APP: variants seen among roughly 807,000 people sequenced by gnomAD.
APP encodes amyloid beta precursor protein, also known as amyloid-beta precursor protein.
Under a neutral mutation model 101.4 loss-of-function variants are expected in APP, and 31 were observed. The ratio of observed to expected loss-of-function variants is 0.31; its 90% CI spans 0.23 to 0.41. The LOEUF is 0.41. Ranked by LOEUF, APP falls within the 10% of genes least tolerant of loss-of-function variation. The pLI is 1.00. For missense variants in APP, 839 were observed against 1,003.7 expected, an observed-to-expected ratio of 0.84 and a Z score of 2.22; for synonymous variants, 366 against 364.4, an observed-to-expected ratio of 1.00 and a Z score of -0.05.
intron 1 of APP, among the ~76,000 whole-genome samples, chr21:26,118,524 C>T (rs1601508276): frequency 6.6e-6 from 1 of 152,108 alleles, no homozygotes; most frequent in East Asian, 1.9e-4. Context: ...CTCTTTCATT[C>T]TGTCTTTACA....
At chr21:26,064,505 C>G (rs930669629) in intron 3 of APP, among the ~76,000 whole-genome samples, 1 of 152,124 alleles carries the variant, frequency 6.6e-6, no homozygotes, top group South Asian at 2.1e-4. Flanking sequence ...GTGGATGGCA[C>G]CAGGTTCAAG....
intron 5 of APP, among the ~76,000 whole-genome samples, chr21:26,042,739 C>CAA (rs35238316): frequency 1.3e-4 from 19 of 151,374 alleles, no homozygotes; most frequent in Non-Finnish European, 2.2e-4. Context: ...CCTGTCTCTA[C>CAA]AAAAAAAATA....
intron 2 of APP, among the ~76,000 whole-genome samples, chr21:26,109,331 A>T (rs1449442219): frequency 6.6e-6 from 1 of 152,164 alleles, no homozygotes; most frequent in Admixed American, 6.5e-5. Flanking sequence ...TTCAATGTTT[A>T]AGCACCATCC....
At chr21:25,954,394 G>C (rs1569101144) in intron 13 of APP, among the ~76,000 whole-genome samples, 196 bp downstream of exon 13, 1 of 152,242 alleles carries the variant, frequency 6.6e-6, no homozygotes, top group African/African-American at 2.4e-5. Context: ...CATTCCTCCA[G>C]TCTTACAAGT....
chr21:25,933,393 G>A (rs374289472), intron 13 of APP, among the ~76,000 whole-genome samples: 2 of 152,172 alleles, frequency 1.3e-5, no homozygotes, highest in African/African-American at 4.8e-5. Flanking sequence ...GTAAGCCATC[G>A]TGCCCAGCCT....
In APP at chr21:25,954,577, A is replaced by G; in HGVS notation, c.1687+13T>C. 6.2e-7 allele frequency: 1 copy of G among 1,603,610 alleles called. No homozygotes were observed. Among genetic ancestry groups the G allele is most frequent in the Non-Finnish European group, 8.5e-7 (1 of 1,170,852 alleles). On this transcript the variant is annotated intron_variant, in intron 13 of 17. Transcript: ENST00000346798. ...CATGTCCATGTGCAGCATCAAAAGA[A>G]CAGCTTACTTACCAACTTCATCCTG... is the stretch of plus-strand genomic sequence containing the variant.
intron 5 of APP, among the ~76,000 whole-genome samples, chr21:26,032,786 T>C (rs560447235): frequency 4.3e-5 from 4 of 93,426 alleles, no homozygotes; most frequent in African/African-American, 7.1e-5. Flanking sequence ...TTGGGGCTTA[T>C]TATTTTAGAA....
intron 1 of APP, among the ~76,000 whole-genome samples, chr21:26,158,471 C>T (rs1053995845): frequency 6.6e-6 from 1 of 152,108 alleles, no homozygotes; most frequent in Admixed American, 6.5e-5. Context: ...AGCAATGCTC[C>T]CAGCTAATAG....
At chr21:26,025,276 T>G (rs1226237198) in intron 5 of APP, among the ~76,000 whole-genome samples, 2 of 152,238 alleles carry the variant, frequency 1.3e-5, no homozygotes, top group Non-Finnish European at 2.9e-5. Flanking sequence ...GATGACCTGA[T>G]GCATGTCATC....
chr21:25,885,401 G>A (rs1156468561), intron 17 of APP, among the ~76,000 whole-genome samples: 1 of 152,228 alleles, frequency 6.6e-6, no homozygotes, highest in African/African-American at 2.4e-5. Flanking sequence ...TTAAAGCAGA[G>A]CCAGGGAGGG....
chr21:25,890,740 G>T (rs1241244953), intron 17 of APP, among the ~76,000 whole-genome samples: 1 of 68,378 alleles, frequency 1.5e-5, no homozygotes. Context: ...AAAAAAAAAA[G>T]CAATGGGGAA....
At chr21:25,978,146 G>C (rs1432993427) in intron 9 of APP, among the ~76,000 whole-genome samples, 1 of 152,180 alleles carries the variant, frequency 6.6e-6, no homozygotes, top group Non-Finnish European at 1.5e-5. Context: ...TAGCTAATGA[G>C]TTGCAAATAA....
chr21:25,936,012 C>T (rs1044668891), intron 13 of APP, among the ~76,000 whole-genome samples: 2 of 152,060 alleles, frequency 1.3e-5, no homozygotes, highest in African/African-American at 4.8e-5. Context: ...CCTTCCATGC[C>T]TCCCCTGACT....
chr21:25,953,437 CG>C (rs1569099887), intron 13 of APP, among the ~76,000 whole-genome samples: 10 of 152,170 alleles, frequency 6.6e-5, no homozygotes, highest in Non-Finnish European at 1.3e-4. Context: ...TTCCCTTGAG[CG>C]GTGTTTCAGG....
intron 1 of APP, among the ~76,000 whole-genome samples, chr21:26,151,484 T>C (rs2063268361): frequency 6.7e-6 from 1 of 148,612 alleles, no homozygotes; most frequent in Non-Finnish European, 1.5e-5. Context: ...GTTCATTACC[T>C]TTTTTTTTTA....
At chr21:26,017,147 CAAGATCGCACCA>C (rs1308992280) in intron 6 of APP, among the ~76,000 whole-genome samples, 11 of 137,602 alleles carry the variant, frequency 8.0e-5, no homozygotes, top group Non-Finnish European at 1.5e-4. Flanking sequence ...TGCAGTGAGC[CAAGATCGCACCA>C]CTACACTCCA....
rs369608335 is a variant in APP at position 26,054,620 on chromosome 21, GTTT to G, written c.356-1275_356-1273del. On this transcript the variant is annotated intron_variant, in intron 3 of 17. Coordinates refer to ENST00000346798, the MANE Select transcript of APP (RefSeq NM_000484.4). Reference sequence around the variant, plus strand: ...TTGGAAGAAGCAACATAGGCCAAAAGTTTTTTTTTTTTTTTTTTTTTTTTTAAG... The same window carrying G: ...TTGGAAGAAGCAACATAGGCCAAAAGTTTTTTTTTTTTTTTTTTTTTTAAG... Among the ~76,000 whole-genome samples, 988 of 107,982 alleles carry G rather than the reference GTTT, an allele frequency of 9.1e-3. 16 individuals are homozygous for G. The highest frequency in any genetic ancestry group is 0.031 in the African/African-American group (934 of 29,876). The allele number at this position is 107,982 out of a possible 152,430, so 70.8% of individuals were successfully genotyped here.
intron 7 of APP, among the ~76,000 whole-genome samples, chr21:25,998,224 C>T (rs531949994): frequency 3.3e-5 from 5 of 152,222 alleles, no homozygotes; most frequent in South Asian, 2.1e-4. Context: ...CCTCTCCCAC[C>T]GGCTAAACCA....
chr21:26,146,196 C>A (rs2063151091), intron 1 of APP, among the ~76,000 whole-genome samples: 4 of 152,124 alleles, frequency 2.6e-5, no homozygotes. Context: ...ATGAGCCAGG[C>A]GTGGTGGCTC....
Sources: allele counts gnomAD v4.1 joint callset (sites outside exome capture counted in the v4.1 genomes callset), GRCh38; gene constraint gnomAD v4.1.1; transcripts MANE v1.5; gene names NCBI Gene and HGNC (gene_info 2026-07-23, HGNC 2026-07-21).